The following PDE1B variants were observed in gnomAD, a reference collection of about 807,000 sequenced individuals.
PDE1B encodes the protein dual specificity calcium/calmodulin-dependent 3',5'-cyclic nucleotide phosphodiesterase 1B.
In PDE1B, 13 loss-of-function variants were observed where a neutral mutation model predicts 66.7. The observed-to-expected ratio is 0.19, with a 90% confidence interval of 0.13 to 0.31. The LOEUF (loss-of-function observed/expected upper bound fraction) is 0.31, where lower values mean the gene tolerates loss of function less well. PDE1B is among the 10% of genes least tolerant of loss of function. The pLI is 1.00. For missense variants in PDE1B, 485 were observed against 682.3 expected (o/e 0.71, Z 3.22); for synonymous variants, 230 against 253.9 (o/e 0.91, Z 0.90).
chr12:54,573,795 C>T lies in PDE1B; in HGVS notation c.1064+86C>T. On this transcript the variant is annotated intron_variant, in intron 10 of 15. Transcript: ENST00000243052. This position sits in a 1 kb window ranked among gnomAD's most constrained non-coding sequence, Gnocchi z 5.2. ...GGTATACACAAGGGTAGTTGGTGTG[C>T]CAGGTCTTTACCTCGCTGTAGAGAC... 1 of 958,510 alleles carries T rather than the reference C, an allele frequency of 1.0e-6. No homozygotes were observed. The highest frequency in any genetic ancestry group is 1.7e-6 in the Non-Finnish European group (1 of 593,222). The allele number at this position is 958,510 out of a possible 1,614,324, so 59.4% of individuals were successfully genotyped here. A position where few individuals can be genotyped will look rare whatever the true frequency, so the allele number is the denominator to read the frequency against.
At chr12:54,572,439 G>C in intron 6 of PDE1B, 162 bp from the exon 7 acceptor site, 1 of 684,000 alleles carries the variant, frequency 1.5e-6, no homozygotes, top group Non-Finnish European at 2.6e-6. Flanking sequence ...TGCACAGCCA[G>C]CAGGTGGTAG....
chr12:54,550,331 C>T (rs1396333848), intron 2 of PDE1B: 51 of 865,918 alleles, frequency 5.9e-5, no homozygotes, highest in Non-Finnish European at 7.1e-5. Context: ...CACACATATC[C>T]ATGTGCAGAG....
chr12:54,560,661 TG>T (rs1957394348), intron 2 of PDE1B, among the ~76,000 whole-genome samples: 1 of 152,194 alleles, frequency 6.6e-6, no homozygotes, highest in African/African-American at 2.4e-5. Flanking sequence ...TCCCCAACCT[TG>T]GCGAAAGCAA....
rs772367376 is a variant in PDE1B at position 54,550,029 on chromosome 12, C to T, written c.113+44C>T. The T allele has an allele frequency of 4.4e-6, 7 of 1,596,758 alleles. No homozygotes were observed. In the South Asian group the frequency reaches 7.9e-5, roughly 18 times the overall value. ...AATGGGGGGAAGGGACCTTAGGGAG[C>T]CTGAGCGGGAGGAGGAGGGGGGATA... On this transcript the variant is annotated intron_variant, in intron 2 of 15. Transcript: ENST00000243052.
rs147497085 is a variant in PDE1B at position 54,575,993 on chromosome 12, G to T, written c.1269G>T (p.Gly423=). The part of the protein sequence containing the change: ...TSTLVAQSQI[G]FIDFIVEPTF... The stretch of plus-strand genomic sequence containing the variant: ...TACGGCATTGCTCCTCCACTGCAGG[G>T]TTCATCGACTTCATTGTGGAGCCCA... The change falls in exon 13 of 16, where the codon GGG becomes GGT. Residue 423 remains glycine, a splice_region_variant and synonymous_variant. Coordinates refer to ENST00000243052, the MANE Select transcript of PDE1B (RefSeq NM_000924.4). The surrounding 1 kb of genome is among the most constrained non-coding windows in gnomAD (Gnocchi z 4.0). The T allele has an allele frequency of 2.3e-3, 3,616 of 1,606,490 alleles. 6 individuals carry two copies. Among genetic ancestry groups the T allele is most frequent in the Non-Finnish European group, 2.7e-3 (3,213 of 1,172,936 alleles).
At chr12:54,572,257 T>G (rs1426980098) in intron 6 of PDE1B, 4 of 188,614 alleles carry the variant, frequency 2.1e-5, no homozygotes, top group South Asian at 2.8e-4. Context: ...AGGGAAGCTT[T>G]CTTTCATTTT....
At chr12:54,576,420 G>A in intron 13 of PDE1B, 151 bp from the exon 14 acceptor site, 1 of 818,866 alleles carries the variant, frequency 1.2e-6, no homozygotes, top group South Asian at 1.8e-5. Flanking sequence ...GAGAGGGACA[G>A]GGACTTGGGG....
intron 2 of PDE1B, among the ~76,000 whole-genome samples, chr12:54,560,240 A>G (rs553497073): frequency 6.6e-6 from 1 of 152,252 alleles, no homozygotes; most frequent in African/African-American, 2.4e-5. Context: ...AACTTCATTT[A>G]TTTCTGATTC....
intron 10 of PDE1B, 186 bp from the exon 11 acceptor site, chr12:54,574,912 T>G: frequency 2.2e-6 from 1 of 449,204 alleles, no homozygotes; most frequent in Non-Finnish European, 4.0e-6. Flanking sequence ...GTGACAGAGG[T>G]TGCAGTGAGC....
intron 2 of PDE1B, among the ~76,000 whole-genome samples, chr12:54,558,244 C>G (rs1237665891): frequency 6.6e-6 from 1 of 151,974 alleles, no homozygotes; most frequent in Non-Finnish European, 1.5e-5. Flanking sequence ...CCCTTAATAC[C>G]TCCTACCCCT....
Position 54,549,932 on chromosome 12 carries a change from C to T in PDE1B, c.60C>T (p.Pro20=). 1.9e-6 allele frequency: 3 copies of T among 1,614,158 alleles called. No individual in the cohort carries two copies. Among genetic ancestry groups the T allele is most frequent in the Non-Finnish European group, 2.5e-6 (3 of 1,180,012 alleles). Residue 20 remains proline (P), a synonymous_variant, in exon 2 of 16, where the codon CCC becomes CCT. Transcript: ENST00000243052. ...TGGAGGAGTCGGATTGCCCGTCACC[C>T]CTGGAGCTGAAGTCAGCCCCCAGCA... ...EMLEESDCPS[P]LELKSAPSKK... is the part of the protein sequence containing the mutation.
intron 6 of PDE1B, chr12:54,571,908 G>C (rs573879688): frequency 6.6e-6 from 1 of 152,134 alleles, no homozygotes; most frequent in East Asian, 1.9e-4. Context: ...CTGAACCTTC[G>C]TCCCCTCCTA....
chr12:54,567,361 G>C (rs1218216975), intron 3 of PDE1B, among the ~76,000 whole-genome samples: 1 of 151,626 alleles, frequency 6.6e-6, no homozygotes, highest in Non-Finnish European at 1.5e-5. Flanking sequence ...AAATTAGCCA[G>C]GCATGGTGGC....
intron 2 of PDE1B, among the ~76,000 whole-genome samples, chr12:54,564,475 T>TA (rs987334047): frequency 1.2e-4 from 18 of 150,206 alleles, no homozygotes; most frequent in Non-Finnish European, 2.4e-4. Context: ...CTACAAAAAA[T>TA]AAAAAAAAAT....
At chr12:54,572,497 C>T in intron 6 of PDE1B, 104 bp from the exon 7 acceptor site, 1 of 1,097,644 alleles carries the variant, frequency 9.1e-7, no homozygotes, top group Non-Finnish European at 1.4e-6. Flanking sequence ...GTGCTCTCTC[C>T]CTATGCCACA....
rs564269885 is a variant in PDE1B, at chr12:54,549,686, G to A, written c.-100G>A. 181 of 490,074 alleles carry A rather than the reference G, an allele frequency of 3.7e-4. No homozygotes were observed. The highest frequency in any genetic ancestry group is 5.8e-4 in the Non-Finnish European group (161 of 276,656). The allele number at this position is 490,074 out of a possible 1,614,324, so 30.4% of individuals were successfully genotyped here. ...GGAGCCCAAAGCTCGGCTGGGCAGC[G>A]GGAGAGGAGGAGCCGCAGGAGCTGC... On this transcript the variant is annotated 5_prime_UTR_variant, in exon 1 of 16. Transcript: ENST00000243052.
At chr12:54,577,026 G>T in intron 14 of PDE1B, 199 bp from the exon 15 acceptor site, 3 of 616,470 alleles carry the variant, frequency 4.9e-6, no homozygotes, top group Non-Finnish European at 8.5e-6. Flanking sequence ...CCTGTGTGAG[G>T]GGGTGGTAGG....
chr12:54,556,477 C>A (rs1957343423), intron 2 of PDE1B, among the ~76,000 whole-genome samples: 1 of 152,176 alleles, frequency 6.6e-6, no homozygotes, highest in African/African-American at 2.4e-5. Context: ...CCCAGTCCTG[C>A]AACTGCTCCT....
At chr12:54,563,066 C>T (rs1039397345) in intron 2 of PDE1B, among the ~76,000 whole-genome samples, 2 of 152,296 alleles carry the variant, frequency 1.3e-5, no homozygotes, top group African/African-American at 4.8e-5. Context: ...GATAGCCTCA[C>T]ACCTGATTAA....
Sources: allele counts gnomAD v4.1 joint callset (sites outside exome capture counted in the v4.1 genomes callset), GRCh38; gene constraint gnomAD v4.1.1; non-coding constraint Gnocchi (gnomAD v3.1); transcripts MANE v1.5; gene names NCBI Gene and HGNC (gene_info 2026-07-23, HGNC 2026-07-21).